Variants in SMYD3 observed in about 807,000 individuals in gnomAD.
SMYD3 encodes histone-lysine N-methyltransferase SMYD3.
In SMYD3, 36 loss-of-function variants were observed where a neutral mutation model predicts 57.7. The ratio of observed to expected loss-of-function variants is 0.62; its 90% CI spans 0.48 to 0.82. The LOEUF (loss-of-function observed/expected upper bound fraction) is 0.82, where lower values mean the gene tolerates loss of function less well. SMYD3 is among the 40% of genes least tolerant of loss of function. The pLI is 0.00. For missense variants in SMYD3, 515 were observed against 538.8 expected (o/e 0.96, Z 0.44); for synonymous variants, 211 against 195.0 (o/e 1.08, Z -0.68).
At chr1:246,486,609 T>G (rs1380037384) in intron 1 of SMYD3, among the ~76,000 whole-genome samples, 1 of 152,134 alleles carries the variant, frequency 6.6e-6, no homozygotes, top group African/African-American at 2.4e-5. Flanking sequence ...ATTCTGTAGA[T>G]GAAGAAAATG....
chr1:246,444,948 T>C (rs78109312), intron 1 of SMYD3, among the ~76,000 whole-genome samples: 1 of 152,220 alleles, frequency 6.6e-6, no homozygotes, highest in Non-Finnish European at 1.5e-5. Context: ...GGGGTTTGGA[T>C]TCCACCTGTA....
At chr1:246,275,184 C>T (rs2064305325) in intron 5 of SMYD3, among the ~76,000 whole-genome samples, 1 of 152,198 alleles carries the variant, frequency 6.6e-6, no homozygotes, top group Non-Finnish European at 1.5e-5. Context: ...CTGTAAAGGG[C>T]AGCCTTCACA....
At chr1:246,353,070 T>C (rs1279994613) in intron 2 of SMYD3, among the ~76,000 whole-genome samples, 7 of 152,216 alleles carry the variant, frequency 4.6e-5, no homozygotes, top group Non-Finnish European at 2.9e-5. Flanking sequence ...ACGAATACTG[T>C]ATAAAAAGCA....
chr1:245,762,841 C>T (rs548348909), intron 11 of SMYD3, among the ~76,000 whole-genome samples: 4 of 152,174 alleles, frequency 2.6e-5, no homozygotes, highest in Non-Finnish European at 5.9e-5. Flanking sequence ...ACCCTGACGC[C>T]CGATCCTTCC....
chr1:246,425,660 T>C (rs1043304653), intron 1 of SMYD3, among the ~76,000 whole-genome samples: 8 of 152,214 alleles, frequency 5.3e-5, no homozygotes, highest in Admixed American at 2.0e-4. Context: ...GGATTGAGCT[T>C]CAGTTGCCAA....
At chr1:246,186,996 C>T in intron 5 of SMYD3, 3 of 908,472 alleles carry the variant, frequency 3.3e-6, no homozygotes, top group Non-Finnish European at 3.9e-6. Flanking sequence ...TGGTCTGCTA[C>T]ACAAACATAC....
At chr1:245,977,661 G>T (rs567017708) in intron 5 of SMYD3, among the ~76,000 whole-genome samples, 24 of 152,264 alleles carry the variant, frequency 1.6e-4, no homozygotes, top group African/African-American at 5.8e-4. Flanking sequence ...CCTGGGTGAC[G>T]GAGTGAGACT....
chr1:246,501,822 A>G (rs2068460901), intron 1 of SMYD3, among the ~76,000 whole-genome samples: 1 of 152,254 alleles, frequency 6.6e-6, no homozygotes, highest in Non-Finnish European at 1.5e-5. Flanking sequence ...GTAGACCCTC[A>G]GCACTTTTCA....
At chr1:246,124,857 G>A (rs1453558634) in intron 5 of SMYD3, among the ~76,000 whole-genome samples, 7 of 152,100 alleles carry the variant, frequency 4.6e-5, no homozygotes, top group South Asian at 2.1e-4. Context: ...AAATCTGGGC[G>A]GATCATGAGG....
At chr1:245,886,338 C>T (rs551683191) in intron 8 of SMYD3, among the ~76,000 whole-genome samples, 14 of 151,914 alleles carry the variant, frequency 9.2e-5, no homozygotes, top group Admixed American at 5.9e-4. Flanking sequence ...TTAGAGTTCT[C>T]GGGGTCTGAA....
At chr1:245,936,641 T>C (rs752707959) in intron 5 of SMYD3, among the ~76,000 whole-genome samples, 2 of 152,222 alleles carry the variant, frequency 1.3e-5, no homozygotes, top group Non-Finnish European at 2.9e-5. Context: ...ACTCCTGTAA[T>C]CCCAGTACTT....
intron 8 of SMYD3, among the ~76,000 whole-genome samples, chr1:245,869,143 T>TG (rs2052036238): frequency 6.6e-6 from 1 of 152,114 alleles, no homozygotes; most frequent in South Asian, 2.1e-4. Flanking sequence ...AAAAGGAGCT[T>TG]GAATGGGTGA....
At chr1:246,258,009 C>G (rs1160334296) in intron 5 of SMYD3, among the ~76,000 whole-genome samples, 1 of 151,906 alleles carries the variant, frequency 6.6e-6, no homozygotes, top group Admixed American at 6.6e-5. Context: ...GTCAATTGAA[C>G]TTTTCTTATA....
chr1:246,338,530 T>C (rs1263930709), intron 2 of SMYD3, among the ~76,000 whole-genome samples: 2 of 152,228 alleles, frequency 1.3e-5, no homozygotes, highest in Non-Finnish European at 2.9e-5. Context: ...TTGGCTGTAG[T>C]ATTTTCTTTT....
chr1:246,104,734 T>C (rs1407928743), intron 5 of SMYD3, among the ~76,000 whole-genome samples: 1 of 152,140 alleles, frequency 6.6e-6, no homozygotes, highest in Non-Finnish European at 1.5e-5. Context: ...TCCTCATGTT[T>C]ACCTTCCATA....
intron 5 of SMYD3, among the ~76,000 whole-genome samples, chr1:245,943,172 C>A (rs375662867): frequency 1.0e-3 from 109 of 108,916 alleles, no homozygotes; most frequent in Non-Finnish European, 1.2e-3. Flanking sequence ...ACACACTTTC[C>A]AAAAAAAAAA....
At position 245,830,674 on chromosome 1, in the gene SMYD3, G is replaced by A. The variant is rs1217591762; in HGVS notation, c.1076+27822C>T. 2.0e-5 allele frequency among the ~76,000 whole-genome samples: 3 copies of A among 152,200 alleles called. 1 individual carries two copies. Among genetic ancestry groups the A allele is most frequent in the African/African-American group, 7.2e-5 (3 of 41,450 alleles). On this transcript the variant is annotated intron_variant, in intron 10 of 11. Transcript: ENST00000490107. Reference sequence around the variant, plus strand: ...ATCAACAGATATTGCTCAGACTACTGTAGGAAGTAGAAAGCTTAGCGATAA... The same window carrying A: ...ATCAACAGATATTGCTCAGACTACTATAGGAAGTAGAAAGCTTAGCGATAA...
intron 7 of SMYD3, among the ~76,000 whole-genome samples, chr1:245,924,982 T>C (rs919943569): frequency 1.3e-5 from 2 of 149,322 alleles, no homozygotes; most frequent in Non-Finnish European, 2.9e-5. Flanking sequence ...GCTCTTATTT[T>C]ATCTTTAAGA....
chr1:245,795,196 C>T (rs919504323), intron 10 of SMYD3, among the ~76,000 whole-genome samples: 1 of 152,216 alleles, frequency 6.6e-6, no homozygotes, highest in Non-Finnish European at 1.5e-5. Context: ...CAAATCCAGT[C>T]ACTGAACCAG....
Sources: gnomAD v4.1 joint callset for allele counts (sites outside exome capture counted in the v4.1 genomes callset) on GRCh38, gnomAD v4.1.1 for gene constraint, MANE v1.5 for transcripts, NCBI Gene and HGNC (gene_info 2026-07-23, HGNC 2026-07-21) for gene names.